SERPINB4: variants seen among roughly 807,000 people sequenced by gnomAD.
The protein encoded by SERPINB4 is serpin B4.
SERPINB4 carries 39 observed loss-of-function variants against 33.2 expected under a neutral mutation model. The ratio of observed to expected loss-of-function variants is 1.18; its 90% CI spans 0.91 to 1.53. The LOEUF is 1.53. Ranked by LOEUF, SERPINB4 falls within the 40% of genes most tolerant of loss-of-function variation. The pLI is 0.00. For missense variants in SERPINB4, 564 were observed against 455.4 expected (o/e 1.24, Z -2.17); for synonymous variants, 191 against 166.4 (o/e 1.15, Z -1.14).
intron 7 of SERPINB4, among the ~76,000 whole-genome samples, chr18:63,638,374 G>T (rs2144463381): frequency 6.6e-6 from 1 of 152,032 alleles, no homozygotes; most frequent in South Asian, 2.1e-4. Flanking sequence ...ATGTATATGT[G>T]TACATATGTA....
Position 63,637,851 on chromosome 18 carries a change from G to A in SERPINB4, c.1041C>T (p.Thr347=), listed in dbSNP as rs754500172. The change falls in exon 8 of 8, where the codon ACC becomes ACT. Residue 347 remains threonine, a synonymous_variant. Transcript: ENST00000341074. ...ATGATAATTCGACTACTACTACAGCGGTGGCAGCTGCAGCTTCCACTCCCT... is the reference window on the plus strand; with the variant it reads ...ATGATAATTCGACTACTACTACAGCAGTGGCAGCTGCAGCTTCCACTCCCT... ...TEEGVEAAAA[T]AVVVVELSSP... is the part of the protein sequence containing the mutation. The A allele has an allele frequency of 8.7e-6, 14 of 1,613,294 alleles. No homozygotes were observed. Among genetic ancestry groups the A allele is most frequent in the South Asian group, 1.1e-5 (1 of 91,074 alleles).
Position 63,639,658 on chromosome 18 carries a change from T to C in SERPINB4, c.588A>G (p.Lys196=), listed in dbSNP as rs763813844. 6.2e-6 allele frequency: 10 copies of C among 1,609,050 alleles called. No homozygotes were observed. The South Asian group carries it at 9.9e-5, about 16-fold the overall frequency. ...WENKFKKENT[K]EEKFWPNKNT... Reference sequence around the variant, plus strand: ...CCTTGTTTGGCCAAAATTTTTCCTCTTTAGTGTTTTCTTTTTTAAATTTAT... The same window carrying C: ...CCTTGTTTGGCCAAAATTTTTCCTCCTTAGTGTTTTCTTTTTTAAATTTAT... Residue 196 remains lysine (K), a synonymous_variant, in exon 6 of 8, where the codon AAA becomes AAG. Transcript: ENST00000341074.
At position 63,637,768 on chromosome 18, in the gene SERPINB4, T is replaced by C. The variant is rs201297323; in HGVS notation, c.1124A>G (p.Gln375Arg). 7.5e-5 allele frequency: 121 copies of C among 1,613,252 alleles called. No individual in the cohort carries two copies. In the East Asian group the frequency reaches 2.5e-3, roughly 33 times the overall value. ...GAAGAGGATGCTGTTGGTCTTATTT[T>C]GCCTTATGAAGAATAGGAAAGGGTG... ...CNHPFLFFIR[Q>R]NKTNSILFYG... The change falls in exon 8 of 8, where the codon CAA becomes CGA. Residue 375 changes from glutamine (Q) to arginine (R), a missense_variant. Coordinates refer to ENST00000341074, the MANE Select transcript of SERPINB4 (RefSeq NM_002974.4).
chr18:63,638,255 C>A, intron 7 of SERPINB4, 132 bp from the exon 8 acceptor site: 1 of 1,009,908 alleles, frequency 9.9e-7, no homozygotes, highest in South Asian at 1.8e-5. Context: ...CTTTAATAGA[C>A]ATTATTATTC....
rs934766732 is a variant in SERPINB4 at position 63,643,702 on chromosome 18, A to AT, written c.-26-100dup. 1.4e-4 allele frequency: 188 copies of AT among 1,321,002 alleles called. No individual in the cohort carries two copies. The African/African-American group carries it at 2.6e-3, about 18-fold the overall frequency. 81.8% of individuals were successfully genotyped at this position (1,321,002 alleles called of 1,614,324 possible). A position where few individuals can be genotyped will look rare whatever the true frequency, so the allele number is the denominator to read the frequency against. Reference sequence around the variant, plus strand: ...AGAAATGATATATCTGGGTTGTGAGATTTTGACATTTAAAGTTTTTCTCTT... The same window carrying AT: ...AGAAATGATATATCTGGGTTGTGAGATTTTTGACATTTAAAGTTTTTCTCTT... On this transcript the variant is annotated intron_variant, in intron 1 of 7. Transcript: ENST00000341074.
At chr18:63,643,717 G>A (rs1164462623) in intron 1 of SERPINB4, 114 bp from the exon 2 acceptor site, 5 of 1,177,040 alleles carry the variant, frequency 4.2e-6, no homozygotes, top group Non-Finnish European at 6.0e-6. Context: ...GACATTTAAA[G>A]TTTTTCTCTT....
intron 1 of SERPINB4, among the ~76,000 whole-genome samples, chr18:63,643,838 A>G (rs1422556455): frequency 6.6e-6 from 1 of 152,008 alleles, no homozygotes; most frequent in African/African-American, 2.4e-5. Context: ...TAAGTAATCG[A>G]CCCTCTTTAT....
rs562902790 is a variant in SERPINB4, at chr18:63,642,737, A to G, written c.222+424T>C. ...TGATTAGTATAATTATAGCTACTTT[A>G]TAATAATAATAACATTTATTATGAC... On this transcript the variant is annotated intron_variant, in intron 3 of 7. Coordinates refer to ENST00000341074, the MANE Select transcript of SERPINB4 (RefSeq NM_002974.4). Among the ~76,000 whole-genome samples the G allele has an allele frequency of 3.8e-4, 58 of 152,214 alleles. 1 individual carries two copies. Among genetic ancestry groups the G allele is most frequent in the African/African-American group, 1.3e-3 (56 of 41,534 alleles).
rs1190145948 is a variant in SERPINB4, at chr18:63,637,405, T to C, written c.*314A>G. On this transcript the variant is annotated 3_prime_UTR_variant, in exon 8 of 8. Coordinates refer to ENST00000341074, the MANE Select transcript of SERPINB4 (RefSeq NM_002974.4). Reference sequence around the variant, plus strand: ...GAAGAGAAAGTATGATTTGGTTTGGTTCATTTAAAACAGGTCAGAAACAGA... The same window carrying C: ...GAAGAGAAAGTATGATTTGGTTTGGCTCATTTAAAACAGGTCAGAAACAGA... 9.0e-6 allele frequency: 2 copies of C among 222,744 alleles called. No homozygotes were observed. The highest frequency in any genetic ancestry group is 5.4e-5 in the Admixed American group (1 of 18,494). 13.8% of individuals were successfully genotyped at this position (222,744 alleles called of 1,614,324 possible).
rs1165135931 is a variant in SERPINB4 at position 63,639,760 on chromosome 18, T to A, written c.486A>T (p.Leu162=). The A allele has an allele frequency of 6.2e-7, 1 of 1,610,120 alleles. No individual in the cohort carries two copies. Among genetic ancestry groups the A allele is most frequent in the Non-Finnish European group, 8.5e-7 (1 of 1,178,154 alleles). ...CATTGCCAATAGTCCCATCAGGAAA[T>A]AGGTTTTTAATTTTTTCTGCAAGGG... ...ESQTNEKIKN[L]FPDGTIGNDT... Residue 162 remains leucine, a synonymous_variant, in exon 6 of 8, where the codon CTA becomes CTT. Coordinates refer to ENST00000341074, the MANE Select transcript of SERPINB4 (RefSeq NM_002974.4).
intron 7 of SERPINB4, among the ~76,000 whole-genome samples, 163 bp downstream of exon 7, chr18:63,639,022 C>A (rs1444695805): frequency 2.0e-5 from 3 of 151,970 alleles, no homozygotes; most frequent in African/African-American, 4.8e-5. Flanking sequence ...GTGTCAGGCC[C>A]TATGCTCAAA....
At chr18:63,643,350 C>T (rs1197055915) in intron 2 of SERPINB4, 63 bp downstream of exon 2, 54 of 1,609,990 alleles carry the variant, frequency 3.4e-5, no homozygotes, top group Middle Eastern at 3.3e-4. Context: ...TTACCATCTG[C>T]GTGCTAGCCG....
At chr18:63,641,612 G>T in intron 4 of SERPINB4, 148 bp downstream of exon 4, 2 of 1,150,956 alleles carry the variant, frequency 1.7e-6, no homozygotes, top group Non-Finnish European at 2.6e-6. Flanking sequence ...CAGTGGGGGA[G>T]AGTTGTGGAA....
At chr18:63,639,972 G>A (rs1162934566) in intron 5 of SERPINB4, among the ~76,000 whole-genome samples, 196 bp from the exon 6 acceptor site, 10 of 151,884 alleles carry the variant, frequency 6.6e-5, no homozygotes, top group East Asian at 3.9e-4. Flanking sequence ...GGCTCCAGTC[G>A]TATAAAGTTA....
rs761456422 is a variant in SERPINB4 at position 63,640,998 on chromosome 18, G to C, written c.352-7C>G. 3 of 1,600,520 alleles carry C rather than the reference G, an allele frequency of 1.9e-6. No homozygotes were observed. The Admixed American group carries it at 5.0e-5, about 27-fold the overall frequency. ...TGATGGCATCTAAATATTCCTTTGA[G>C]ATATGAAGGAAGAAGTAGGAATTAG... On this transcript the variant is annotated splice_region_variant and splice_polypyrimidine_tract_variant and intron_variant, in intron 4 of 7. Coordinates refer to ENST00000341074, the MANE Select transcript of SERPINB4 (RefSeq NM_002974.4).
At position 63,637,666 on chromosome 18, in the gene SERPINB4, C is replaced by A; in HGVS notation, c.*53G>T. 1 of 1,516,978 alleles carries A rather than the reference C, an allele frequency of 6.6e-7. No individual in the cohort carries two copies. Among genetic ancestry groups the A allele is most frequent in the Non-Finnish European group, 8.8e-7 (1 of 1,130,376 alleles). 94.0% of individuals were successfully genotyped at this position (1,516,978 alleles called of 1,614,324 possible). On this transcript the variant is annotated 3_prime_UTR_variant, in exon 8 of 8. Transcript: ENST00000341074. Reference sequence around the variant, plus strand: ...TCTGTTGTTGCCAGCAATCAGTTTACCAGAACACCTCTAGGTGAACATTTT... The same window carrying A: ...TCTGTTGTTGCCAGCAATCAGTTTAACAGAACACCTCTAGGTGAACATTTT...
rs1477850121 is a variant in SERPINB4 at position 63,643,444 on chromosome 18, G to T, written c.134C>A (p.Ala45Asp). 7.4e-6 allele frequency: 12 copies of T among 1,613,594 alleles called. No individual in the cohort carries two copies. Among genetic ancestry groups the T allele is most frequent in the African/African-American group, 1.3e-5 (1 of 74,868 alleles). The change falls in exon 2 of 8, where the codon GCC becomes GAC. Residue 45 changes from alanine (A) to aspartate (D), a missense_variant. Transcript: ENST00000341074. The part of the protein sequence containing the change: ...TSALGMVLLG[A>D]KDNTAQQISK... ...AATTTGTTGTGCAGTGTTGTCTTTGGCTCCTAAGAGGACCATCCCTAATGC... is the reference window on the plus strand; with the variant it reads ...AATTTGTTGTGCAGTGTTGTCTTTGTCTCCTAAGAGGACCATCCCTAATGC...
Position 63,643,452 on chromosome 18 carries a change from G to T in SERPINB4, c.126C>A (p.Leu42=), listed in dbSNP as rs1486099670. The T allele has an allele frequency of 6.2e-7, 1 of 1,613,690 alleles. No homozygotes were observed. The highest frequency in any genetic ancestry group is 2.2e-5 in the East Asian group (1 of 44,866). Residue 42 remains leucine, a synonymous_variant, in exon 2 of 8, where the codon CTC becomes CTA. Transcript: ENST00000341074. ...ISITSALGMV[L]LGAKDNTAQQ... is the part of the protein sequence containing the mutation. ...GTGCAGTGTTGTCTTTGGCTCCTAAGAGGACCATCCCTAATGCTGATGTGA... is the reference window on the plus strand; with the variant it reads ...GTGCAGTGTTGTCTTTGGCTCCTAATAGGACCATCCCTAATGCTGATGTGA...
intron 3 of SERPINB4, among the ~76,000 whole-genome samples, 167 bp from the exon 4 acceptor site, chr18:63,642,055 A>G (rs1913152702): frequency 6.6e-6 from 1 of 151,998 alleles, no homozygotes; most frequent in South Asian, 2.1e-4. Context: ...TTCAAAATCC[A>G]CCTTATATTT....
Sources: gnomAD v4.1 joint callset for allele counts (sites outside exome capture counted in the v4.1 genomes callset) on GRCh38, gnomAD v4.1.1 for gene constraint, MANE v1.5 for transcripts, NCBI Gene and HGNC (gene_info 2026-07-23, HGNC 2026-07-21) for gene names.